CACNA2D4: variants seen among roughly 807,000 people sequenced by gnomAD.
The protein encoded by CACNA2D4 is calcium voltage-gated channel auxiliary subunit alpha2delta 4, also known as voltage-dependent calcium channel subunit alpha-2/delta-4.
CACNA2D4 carries 157 observed loss-of-function variants against 163.8 expected under a neutral mutation model. The observed-to-expected ratio is 0.96, with a 90% CI of 0.84 to 1.09. The LOEUF (loss-of-function observed/expected upper bound fraction) is 1.09, where lower values mean the gene tolerates loss of function less well. Ranked by LOEUF, CACNA2D4 falls within the 50% of genes least tolerant of loss-of-function variation. The probability of loss-of-function intolerance (pLI) is 0.00; values close to 1 mark genes in which losing one functional copy is unlikely to be tolerated. For synonymous variants in CACNA2D4, 598 were observed against 586.9 expected, an observed-to-expected ratio of 1.02 and a Z score of -0.27; for missense variants, 1,410 against 1,479.9, an observed-to-expected ratio of 0.95 and a Z score of 0.78.
intron 7 of CACNA2D4, 94 bp downstream of exon 7, chr12:1,886,914 TG>T: frequency 1.2e-6 from 1 of 804,094 alleles, no homozygotes; most frequent in Non-Finnish European, 2.1e-6. Flanking sequence ...TGAGTGGCGG[TG>T]GGGGAAGGGG....
chr12:1,834,222 G>A lies in CACNA2D4; in HGVS notation c.2551+6517C>T. 2.6e-6 allele frequency: 4 copies of A among 1,516,744 alleles called. No homozygotes were observed. Among genetic ancestry groups the A allele is most frequent in the East Asian group, 2.3e-5 (1 of 43,890 alleles). 94.0% of individuals were successfully genotyped at this position (1,516,744 alleles called of 1,614,324 possible). On this transcript the variant is annotated intron_variant, in intron 26 of 37. Coordinates refer to ENST00000382722, the MANE Select transcript of CACNA2D4 (RefSeq NM_172364.5). This position sits in a 1 kb window ranked among gnomAD's most constrained non-coding sequence, Gnocchi z 7.6. ...CTGGGGATGGGGAGAGGGAGTGCAA[G>A]TTCTAGATGCCTGGTCAGCCCCTCT...
At chr12:1,885,125 G>A (rs779951437) in intron 9 of CACNA2D4, 49 bp from the exon 10 acceptor site, 28 of 1,469,404 alleles carry the variant, frequency 1.9e-5, no homozygotes, top group Non-Finnish European at 2.5e-5. Context: ...GAGTGGGCCA[G>A]TGGAGCTTCA....
intron 26 of CACNA2D4, among the ~76,000 whole-genome samples, chr12:1,837,809 C>A (rs992424728): frequency 6.6e-6 from 1 of 152,194 alleles, no homozygotes; most frequent in African/African-American, 2.4e-5. Flanking sequence ...ACTGCAGAAG[C>A]AAGAACGGGG....
chr12:1,885,952 C>T lies in CACNA2D4; in HGVS notation c.1068+13G>A, dbSNP rs61386831. 0.1 allele frequency: 167,181 copies of T among 1,600,026 alleles called. 9,656 individuals are homozygous for T. Among genetic ancestry groups the T allele is most frequent in the African/African-American group, 0.19 (14,402 of 74,542 alleles). On this transcript the variant is annotated intron_variant, in intron 9 of 37. Transcript: ENST00000382722. ...CAGGGGCTTGGAAGTCTCAGGCCAC[C>T]GTGGACACTCACCTCTCGATTGTCT...
chr12:1,909,887 T>G lies in CACNA2D4; in HGVS notation c.486+19A>C. The G allele has an allele frequency of 6.2e-7, 1 of 1,611,604 alleles. No homozygotes were observed. Among genetic ancestry groups the G allele is most frequent in the Non-Finnish European group, 8.5e-7 (1 of 1,178,016 alleles). ...GGCGATCCTGGCCCTCTGGCACCAG[T>G]GCCAGGAGTGGGACTCACCACCAGG... On this transcript the variant is annotated intron_variant, in intron 4 of 37. Transcript: ENST00000382722.
In CACNA2D4 at chr12:1,918,446, G is replaced by A. The variant is rs976678241; in HGVS notation, c.28C>T (p.Pro10Ser). The A allele has an allele frequency of 1.3e-6, 2 of 1,579,288 alleles. No homozygotes were observed. The highest frequency in any genetic ancestry group is 1.3e-5 in the African/African-American group (1 of 74,276). Residue 10 changes from proline to serine, a missense_variant, in exon 1 of 38, where the codon CCC (proline) becomes TCC (serine). Coordinates refer to ENST00000382722, the MANE Select transcript of CACNA2D4 (RefSeq NM_172364.5). MVCGCSALL[P>S]LPNPRPTMPA... ...ATGGTGGGCCTGGGGTTGGGGAGGG[G>A]AAGGAGGGCAGAGCAGCCACAGACC...
intron 6 of CACNA2D4, among the ~76,000 whole-genome samples, chr12:1,888,139 C>A (rs575440561): frequency 6.6e-6 from 1 of 152,128 alleles, no homozygotes; most frequent in Non-Finnish European, 1.5e-5. Context: ...GTCTTGCAGG[C>A]AGTCATGGGA....
chr12:1,795,376 C>A lies in CACNA2D4; in HGVS notation c.3232G>T (p.Ala1078Ser), dbSNP rs1157385151. The A allele has an allele frequency of 1.9e-6, 3 of 1,610,396 alleles. No homozygotes were observed. Among genetic ancestry groups the A allele is most frequent in the Admixed American group, 3.3e-5 (2 of 59,928 alleles). ...CGCATCCGGTCACATTTGACAGAGGCATTATGTGCAGAAGCCACTGTTAAG... is the reference window on the plus strand; with the variant it reads ...CGCATCCGGTCACATTTGACAGAGGAATTATGTGCAGAAGCCACTGTTAAG... ...LQEATEVKYNASVKCDRMRSQ... is the reference protein window; with the variant it reads ...LQEATEVKYNSSVKCDRMRSQ... The change falls in exon 37 of 38, where the codon GCC becomes TCC. Residue 1078 changes from alanine (A) to serine (S), a missense_variant. Transcript: ENST00000382722.
intron 13 of CACNA2D4, 35 bp downstream of exon 13, chr12:1,882,832 G>A: frequency 6.2e-7 from 1 of 1,611,304 alleles, no homozygotes; most frequent in Non-Finnish European, 8.5e-7. Context: ...ACTCTGAGGT[G>A]GGCTTCTCGA....
At chr12:1,881,741 G>A (rs76951868) in intron 13 of CACNA2D4, among the ~76,000 whole-genome samples, 7,174 of 152,328 alleles carry the variant, frequency 0.047, 424 homozygotes, top group African/African-American at 0.14. Context: ...CAGCCAGCTC[G>A]TCTCTTCTCA....
intron 7 of CACNA2D4, 36 bp from the exon 8 acceptor site, chr12:1,886,409 A>G: frequency 1.2e-6 from 2 of 1,600,810 alleles, no homozygotes; most frequent in Non-Finnish European, 1.7e-6. Context: ...AGATGGGAAA[A>G]CCAAAGCCGG....
At chr12:1,826,934 C>T (rs1350768365) in intron 26 of CACNA2D4, among the ~76,000 whole-genome samples, 2 of 152,216 alleles carry the variant, frequency 1.3e-5, no homozygotes, top group South Asian at 4.1e-4. Flanking sequence ...CTTTTTCACT[C>T]TGATATTGTC....
intron 31 of CACNA2D4, chr12:1,800,775 G>A (rs1448743926): frequency 5.1e-6 from 3 of 593,800 alleles, no homozygotes; most frequent in Admixed American, 3.0e-5. Flanking sequence ...CTGAGGCTGG[G>A]GCAGGCTGCT....
intron 26 of CACNA2D4, among the ~76,000 whole-genome samples, chr12:1,824,460 T>C (rs1302852780): frequency 6.6e-6 from 1 of 152,112 alleles, no homozygotes; most frequent in African/African-American, 2.4e-5. Context: ...TCAGCCCCAT[T>C]CTCCAATCCT....
At chr12:1,797,362 C>A in intron 35 of CACNA2D4, 56 bp downstream of exon 35, 1 of 1,333,540 alleles carries the variant, frequency 7.5e-7, no homozygotes, top group Non-Finnish European at 1.0e-6. Context: ...GCACTTCCGC[C>A]TTGCCGAGGG....
rs777831879 is a variant in CACNA2D4, at chr12:1,811,715, C to T, written c.2560G>A (p.Val854Ile). 66 of 1,558,730 alleles carry T rather than the reference C, an allele frequency of 4.2e-5. No homozygotes were observed. Among genetic ancestry groups the T allele is most frequent in the Middle Eastern group, 1.7e-4 (1 of 6,028 alleles). ...KRTAIAAAAG[V>I]QMKLEFLQRK... is the part of the protein sequence containing the mutation. Reference sequence around the variant, plus strand: ...TGGAGGAATTCCAGCTTCATTTGGACGCCCGCGGCTACAGGGCAGAAAGAG... The same window carrying T: ...TGGAGGAATTCCAGCTTCATTTGGATGCCCGCGGCTACAGGGCAGAAAGAG... Residue 854 changes from valine (V) to isoleucine (I), a missense_variant, in exon 27 of 38, where the codon GTC becomes ATC. Physicochemically the swap from Val to Ile is conservative, Grantham distance 29. Transcript: ENST00000382722.
rs762316082 is a variant in CACNA2D4 at position 1,793,365 on chromosome 12, C to T, written c.*290G>A. The T allele has an allele frequency of 2.4e-5, 12 of 501,866 alleles. No homozygotes were observed. Among genetic ancestry groups the T allele is most frequent in the Non-Finnish European group, 3.6e-5 (10 of 277,274 alleles). 31.1% of individuals were successfully genotyped at this position (501,866 alleles called of 1,614,324 possible). A position where few individuals can be genotyped will look rare whatever the true frequency, so the allele number is the denominator to read the frequency against. On this transcript the variant is annotated 3_prime_UTR_variant, in exon 38 of 38. Coordinates refer to ENST00000382722, the MANE Select transcript of CACNA2D4 (RefSeq NM_172364.5). ...TTTGTCTTGGTCCAAGCTGAGCTCA[C>T]GCTGGCTTCCCGAAGAGGAGACAGG... is the stretch of plus-strand genomic sequence containing the variant.
At position 1,793,689 on chromosome 12, in the gene CACNA2D4, C is replaced by T; in HGVS notation, c.3380G>A (p.Cys1127Tyr). 1.9e-6 allele frequency: 3 copies of T among 1,613,848 alleles called. No individual in the cohort carries two copies. The highest frequency in any genetic ancestry group is 2.5e-6 in the Non-Finnish European group (3 of 1,179,894). ...GAGTTGGGGCAGTAGCCCCCAGGCACACACAGGCAGCAGGAGTAGGGGCGG... is the reference window on the plus strand; with the variant it reads ...GAGTTGGGGCAGTAGCCCCCAGGCATACACAGGCAGCAGGAGTAGGGGCGG... ...ASPPLLLLPV[C>Y]AWGLLPQLLR Residue 1127 changes from cysteine (C) to tyrosine (Y), a missense_variant, in exon 38 of 38, where the codon TGT (cysteine) becomes TAT (tyrosine). Transcript: ENST00000382722.
chr12:1,888,317 G>A (rs973620315), intron 6 of CACNA2D4, among the ~76,000 whole-genome samples: 10 of 152,154 alleles, frequency 6.6e-5, no homozygotes, highest in South Asian at 4.1e-4. Flanking sequence ...AAGTCCAAGC[G>A]GAAACAGAAG....
Sources: allele counts gnomAD v4.1 joint callset (sites outside exome capture counted in the v4.1 genomes callset), GRCh38; gene constraint gnomAD v4.1.1; non-coding constraint Gnocchi (gnomAD v3.1); transcripts MANE v1.5; gene names NCBI Gene and HGNC (gene_info 2026-07-23, HGNC 2026-07-21).